SPINK14: variants seen among roughly 807,000 people sequenced by gnomAD.
SPINK14 encodes serine protease inhibitor Kazal-type 14.
A neutral mutation model predicts 14.2 loss-of-function variants in SPINK14; 6 were observed. The ratio of observed to expected loss-of-function variants is 0.42; its 90% CI spans 0.23 to 0.83. The LOEUF (loss-of-function observed/expected upper bound fraction) is 0.83. Among genes scored for constraint, SPINK14 ranks in the 40% least tolerant of loss-of-function variants. SPINK14 has a pLI of 0.28. For synonymous variants in SPINK14, 34 were observed against 36.8 expected (o/e 0.92, Z 0.27); for missense variants, 86 against 108.3 (o/e 0.79, Z 0.91).
Position 148,174,159 on chromosome 5 carries a change from C to T in SPINK14, c.112-75C>T, listed in dbSNP as rs1167567375. 5 of 869,352 alleles carry T rather than the reference C, an allele frequency of 5.8e-6. 2 individuals are homozygous for T. The East Asian group carries it at 8.9e-5, about 16-fold the overall frequency. 53.9% of individuals were successfully genotyped at this position (869,352 alleles called of 1,614,324 possible). A position where few individuals can be genotyped will look rare whatever the true frequency, so the allele number is the denominator to read the frequency against. ...ACGCCTAGACTATGCTTAGATTTTT[C>T]CTAATAAAGTTCAAAGGTGACCTAC... On this transcript the variant is annotated intron_variant, in intron 3 of 4. Coordinates refer to ENST00000356972, the MANE Select transcript of SPINK14 (RefSeq NM_001001325.2).
intron 2 of SPINK14, among the ~76,000 whole-genome samples, 191 bp from the exon 3 acceptor site, chr5:148,170,739 C>T (rs534118771): frequency 6.6e-6 from 1 of 152,050 alleles, no homozygotes; most frequent in Non-Finnish European, 1.5e-5. Flanking sequence ...TAGTCCCCTG[C>T]TGATATCAAT....
At chr5:148,171,371 T>C (rs1189300612) in intron 3 of SPINK14, among the ~76,000 whole-genome samples, 1 of 152,102 alleles carries the variant, frequency 6.6e-6, no homozygotes, top group Non-Finnish European at 1.5e-5. Flanking sequence ...AGAGAATGCC[T>C]ATGTAAGTTG....
intron 3 of SPINK14, among the ~76,000 whole-genome samples, chr5:148,172,911 A>G (rs1755126207): frequency 6.6e-6 from 1 of 152,130 alleles, no homozygotes. Context: ...GTAAGGGCGG[A>G]AGATTTGGGA....
chr5:148,170,930 T>A lies in SPINK14; in HGVS notation c.68T>A (p.Val23Asp), dbSNP rs753699418. ...GTAACTATTTTCATGTATTCTCTAG[T>A]TTCAGGCCCTAGACACTGGTGGCCA... ...FILIHLVLSS[V>D]SGPRHWWPPR... is the part of the protein sequence containing the mutation. Residue 23 changes from valine to aspartate, a missense_variant and splice_region_variant, in exon 3 of 5, where the codon GTT becomes GAT. By Grantham distance (152) the Val-to-Asp change is radical. Transcript: ENST00000356972. 3.1e-6 allele frequency: 5 copies of A among 1,611,818 alleles called. No homozygotes were observed. Among genetic ancestry groups the A allele is most frequent in the Non-Finnish European group, 3.4e-6 (4 of 1,178,282 alleles).
At chr5:148,172,189 T>C (rs1755114137) in intron 3 of SPINK14, among the ~76,000 whole-genome samples, 1 of 152,110 alleles carries the variant, frequency 6.6e-6, no homozygotes, top group South Asian at 2.1e-4. Flanking sequence ...GGTTTGTCTG[T>C]CATGGGGATA....
At chr5:148,170,057 A>G (rs911899392) in intron 2 of SPINK14, among the ~76,000 whole-genome samples, 2 of 144,462 alleles carry the variant, frequency 1.4e-5, no homozygotes, top group African/African-American at 5.1e-5. Context: ...CTGTCTCTAT[A>G]TTTGTATATA....
chr5:148,171,987 T>C (rs1755111723), intron 3 of SPINK14, among the ~76,000 whole-genome samples: 1 of 152,180 alleles, frequency 6.6e-6, no homozygotes, highest in Non-Finnish European at 1.5e-5. Context: ...TAATCACCTA[T>C]GCTGTGCCCT....
intron 2 of SPINK14, among the ~76,000 whole-genome samples, chr5:148,170,066 T>C (rs565297941): frequency 2.2e-5 from 3 of 135,700 alleles, no homozygotes; most frequent in African/African-American, 8.1e-5. Context: ...TATTTGTATA[T>C]ACACACATAT....
Position 148,169,816 on chromosome 5 carries a change from G to A in SPINK14, c.67+17G>A, listed in dbSNP as rs1324558350. On this transcript the variant is annotated intron_variant, in intron 2 of 4. Transcript: ENST00000356972. ...TATCTTCTGGTGAGTAATTTAGCTG[G>A]TCTTGGCCAGCAGTTGAAATTGATT... 2.5e-6 allele frequency: 4 copies of A among 1,601,720 alleles called. No homozygotes were observed. The highest frequency in any genetic ancestry group is 3.4e-6 in the Non-Finnish European group (4 of 1,172,606).
At chr5:148,171,103 G>A (rs748747409) in intron 3 of SPINK14, 130 bp downstream of exon 3, 11 of 816,276 alleles carry the variant, frequency 1.3e-5, no homozygotes, top group Non-Finnish European at 2.2e-5. Context: ...TTTGTACGAG[G>A]GTGGTGGATA....
At chr5:148,169,844 T>C (rs1031878086) in intron 2 of SPINK14, 45 bp downstream of exon 2, 52 of 1,528,716 alleles carry the variant, frequency 3.4e-5, no homozygotes, top group Non-Finnish European at 4.2e-5. Context: ...AATTGATTTG[T>C]GGGCTTTTAC....
intron 3 of SPINK14, among the ~76,000 whole-genome samples, chr5:148,173,791 T>C (rs2113283353): frequency 1.1e-5 from 1 of 94,820 alleles, no homozygotes; most frequent in Admixed American, 9.8e-5. Flanking sequence ...TCTAGTTCCA[T>C]GGCTTTGTGG....
At chr5:148,169,584 C>G in intron 1 of SPINK14, 77 bp from the exon 2 acceptor site, 1 of 565,532 alleles carries the variant, frequency 1.8e-6, no homozygotes, top group Non-Finnish European at 3.1e-6. Flanking sequence ...ATACATAGTA[C>G]TGAGGATACA....
At chr5:148,170,538 G>GT (rs1755091267) in intron 2 of SPINK14, among the ~76,000 whole-genome samples, 1 of 152,058 alleles carries the variant, frequency 6.6e-6, no homozygotes. Flanking sequence ...GAATTCCTGA[G>GT]TATTACCCAG....
Position 148,175,563 on chromosome 5 carries a change from C to T in SPINK14, c.*165C>T, listed in dbSNP as rs1395342015. ...CAAAGTTCCTTCCATGGACCTCTCC[C>T]CTCACTGACTGATTGCCTTCCATAG... On this transcript the variant is annotated 3_prime_UTR_variant, in exon 5 of 5. Coordinates refer to ENST00000356972, the MANE Select transcript of SPINK14 (RefSeq NM_001001325.2). Among the ~76,000 whole-genome samples the T allele has an allele frequency of 6.6e-6, 1 of 152,020 alleles. No individual in the cohort carries two copies. Among genetic ancestry groups the T allele is most frequent in the East Asian group, 1.9e-4 (1 of 5,180 alleles).
chr5:148,175,126 CTG>C (rs1349481386), intron 4 of SPINK14, among the ~76,000 whole-genome samples: 1 of 59,588 alleles, frequency 1.7e-5, no homozygotes, highest in Admixed American at 1.4e-4. Flanking sequence ...TTCAAAAAGA[CTG>C]TAGCATGTCT....
chr5:148,170,806 A>T, intron 2 of SPINK14, 124 bp from the exon 3 acceptor site: 1 of 807,352 alleles, frequency 1.2e-6, no homozygotes, highest in Non-Finnish European at 2.0e-6. Flanking sequence ...TGTATAAATG[A>T]AATAATGTTT....
At chr5:148,173,459 C>T (rs957924935) in intron 3 of SPINK14, among the ~76,000 whole-genome samples, 1 of 151,744 alleles carries the variant, frequency 6.6e-6, no homozygotes, top group Non-Finnish European at 1.5e-5. Flanking sequence ...TTGCACTTTA[C>T]AACTTTGAAA....
chr5:148,174,216 T>G lies in SPINK14; in HGVS notation c.112-18T>G, dbSNP rs1755140878. 3.6e-6 allele frequency: 4 copies of G among 1,107,362 alleles called. 1 individual carries two copies. Among genetic ancestry groups the G allele is most frequent in the East Asian group, 5.6e-5 (2 of 35,942 alleles). 68.6% of individuals were successfully genotyped at this position (1,107,362 alleles called of 1,614,324 possible). ...AAGTGGGATTCTAACTGGATAAATC[T>G]TTTCAACTCAATTTCAGGTGAAATG... On this transcript the variant is annotated intron_variant, in intron 3 of 4. Transcript: ENST00000356972.
Sources: gnomAD v4.1 joint callset for allele counts (sites outside exome capture counted in the v4.1 genomes callset) on GRCh38, gnomAD v4.1.1 for gene constraint, MANE v1.5 for transcripts, NCBI Gene and HGNC (gene_info 2026-07-23, HGNC 2026-07-21) for gene names.